Variants in LCOR observed in about 807,000 individuals in gnomAD.
The protein encoded by LCOR is ligand dependent nuclear receptor corepressor, also known as ligand-dependent corepressor.
Under a neutral mutation model 64.4 loss-of-function variants are expected in LCOR, and 14 were observed. The observed-to-expected ratio is 0.22, with a 90% CI of 0.14 to 0.34. LCOR has a LOEUF of 0.34. LCOR is among the 10% of genes least tolerant of loss of function. The pLI is 1.00. For missense variants in LCOR, 1,686 were observed against 1,765.3 expected, an observed-to-expected ratio of 0.96 and a Z score of 0.80; for synonymous variants, 643 against 642.5, an observed-to-expected ratio of 1.00 and a Z score of -0.01.
rs531559064 is a variant in LCOR at position 96,992,183 on chromosome 10, T to C, written c.*7049T>C. ...GGTTATTGATTTCACTAGTGTGGTT[T>C]CTGCATTCTAAATAGTTCTCGGAGA... is the stretch of plus-strand genomic sequence containing the variant. On this transcript the variant is annotated 3_prime_UTR_variant, in exon 8 of 8. Transcript: ENST00000421806. 2 of 152,346 alleles carry C rather than the reference T, an allele frequency of 1.3e-5. No individual in the cohort carries two copies. Among genetic ancestry groups the C allele is most frequent in the East Asian group, 3.9e-4 (2 of 5,192 alleles). 9.4% of individuals were successfully genotyped at this position (152,346 alleles called of 1,614,324 possible).
At chr10:96,880,429 ACT>A (rs1846243809) in intron 2 of LCOR, among the ~76,000 whole-genome samples, 1 of 151,874 alleles carries the variant, frequency 6.6e-6, no homozygotes, top group Non-Finnish European at 1.5e-5. Flanking sequence ...GAAGAGTCTC[ACT>A]CTGTCATCCA....
chr10:96,860,407 C>A (rs1331727080), intron 2 of LCOR, among the ~76,000 whole-genome samples: 1 of 152,166 alleles, frequency 6.6e-6, no homozygotes, highest in Non-Finnish European at 1.5e-5. Context: ...CTGCCACAAG[C>A]CAAGGAATGC....
intron 2 of LCOR, among the ~76,000 whole-genome samples, chr10:96,901,851 C>G (rs570466319): frequency 6.4e-4 from 97 of 152,250 alleles, no homozygotes; most frequent in Non-Finnish European, 1.1e-3. Flanking sequence ...CTCACTGCAC[C>G]TTACACCTCC....
At chr10:96,879,688 C>G (rs1408223582) in intron 2 of LCOR, among the ~76,000 whole-genome samples, 3 of 152,058 alleles carry the variant, frequency 2.0e-5, no homozygotes, top group Non-Finnish European at 4.4e-5. Context: ...GACAGACTCT[C>G]ACCTCACTCT....
chr10:96,958,767 A>T lies in LCOR; in HGVS notation c.332+6571A>T, dbSNP rs1847824125. On this transcript the variant is annotated intron_variant, in intron 7 of 7. Transcript: ENST00000421806. The stretch of plus-strand genomic sequence containing the variant: ...CTCTCTCTTTCTCTCTCTTTTTTTG[A>T]GTGTAGATTATTTTAAAGCACTAAT... 4.2e-6 allele frequency: 1 copy of T among 240,732 alleles called. No homozygotes were observed. The highest frequency in any genetic ancestry group is 7.9e-5 in the East Asian group (1 of 12,672). The allele number at this position is 240,732 out of a possible 1,614,324, so 14.9% of individuals were successfully genotyped here. A position where few individuals can be genotyped will look rare whatever the true frequency, so the allele number is the denominator to read the frequency against.
At chr10:96,947,879 T>C (rs1258103927) in intron 5 of LCOR, among the ~76,000 whole-genome samples, 2 of 152,192 alleles carry the variant, frequency 1.3e-5, no homozygotes, top group Admixed American at 6.5e-5. Flanking sequence ...TTTATTTTTT[T>C]AAAAGGACTA....
chr10:96,977,058 A>AT (rs146053471), intron 7 of LCOR, among the ~76,000 whole-genome samples: 8,311 of 152,208 alleles, frequency 0.055, 759 homozygotes, highest in African/African-American at 0.19. Context: ...TTGAAAAGGC[A>AT]CCCACTTATT....
Position 96,984,058 on chromosome 10 carries a change from A to G in LCOR, c.3598A>G (p.Lys1200Glu). 6.2e-7 allele frequency: 1 copy of G among 1,613,968 alleles called. No individual in the cohort carries two copies. Among genetic ancestry groups the G allele is most frequent in the South Asian group, 1.1e-5 (1 of 91,024 alleles). ...TGAAACCCGGTCTCTAGTCATTGTG[A>G]AGAAGCTCAATACTCGCCTTCCAGG... ...TTETRSLVIV[K>E]KLNTRLPGDV... Residue 1200 changes from lysine (K) to glutamate (E), a missense_variant, in exon 8 of 8, where the codon AAG becomes GAG. Transcript: ENST00000421806.
intron 2 of LCOR, among the ~76,000 whole-genome samples, chr10:96,906,673 CA>C (rs1182828363): frequency 7.2e-5 from 11 of 151,958 alleles, no homozygotes; most frequent in African/African-American, 2.2e-4. Flanking sequence ...TTTGTATGTA[CA>C]ATCAGTGGGG....
intron 2 of LCOR, among the ~76,000 whole-genome samples, chr10:96,836,258 G>A (rs1441195119): frequency 6.6e-6 from 1 of 152,178 alleles, no homozygotes; most frequent in African/African-American, 2.4e-5. Flanking sequence ...TACATAGTGA[G>A]AATTGGTTAT....
rs137938303 is a variant in LCOR at position 96,928,473 on chromosome 10, C to T, written c.-183-15640C>T. ...CTCTTCACCCTTTCAAGTTTTGTCA[C>T]GAGATTGCAGCAATTAAGTTACATC... On this transcript the variant is annotated intron_variant, in intron 4 of 7. Coordinates refer to ENST00000421806, the MANE Select transcript of LCOR (RefSeq NM_001346516.2). 2.8e-3 allele frequency among the ~76,000 whole-genome samples: 420 copies of T among 152,262 alleles called. 4 individuals are homozygous for T. The East Asian group carries it at 0.055, about 20-fold the overall frequency.
intron 7 of LCOR, among the ~76,000 whole-genome samples, chr10:96,979,438 C>T (rs1239404051): frequency 6.6e-6 from 1 of 152,234 alleles, no homozygotes; most frequent in South Asian, 2.1e-4. Context: ...CAGGTATTGC[C>T]TGTGGCATGT....
chr10:96,938,667 TAAC>T lies in LCOR; in HGVS notation c.-183-5443_-183-5441del, dbSNP rs1402382445. Reference sequence around the variant, plus strand: ...AAATTTACAAAACACTATTAGAGTTTAACAAGTTCAGCAAGGTTCAGAATACCC... The same window carrying T: ...AAATTTACAAAACACTATTAGAGTTTAAGTTCAGCAAGGTTCAGAATACCC... On this transcript the variant is annotated intron_variant, in intron 4 of 7. Coordinates refer to ENST00000421806, the MANE Select transcript of LCOR (RefSeq NM_001346516.2). Among the ~76,000 whole-genome samples, 3 of 152,168 alleles carry T rather than the reference TAAC, an allele frequency of 2.0e-5. No individual in the cohort carries two copies. The East Asian group carries it at 5.8e-4, about 29-fold the overall frequency.
At chr10:96,870,876 C>T (rs1249248175) in intron 2 of LCOR, among the ~76,000 whole-genome samples, 1 of 152,178 alleles carries the variant, frequency 6.6e-6, no homozygotes, top group African/African-American at 2.4e-5. Flanking sequence ...TTTTGCTTGT[C>T]CTCATTCTTA....
In LCOR at chr10:96,981,988, T is replaced by G. The variant is rs1484900149; in HGVS notation, c.1528T>G (p.Cys510Gly). Residue 510 changes from cysteine (C) to glycine (G), a missense_variant, in exon 8 of 8, where the codon TGT becomes GGT. Physicochemically the swap from Cys to Gly is radical, Grantham distance 159. This residue lies in a region of LCOR where 1,293 missense variants were observed against 1,410.4 expected (regional missense o/e 0.92). Transcript: ENST00000421806. Reference protein sequence around the residue: ...STRGYFFNGDCCELPTVRTLA... With the variant: ...STRGYFFNGDGCELPTVRTLA... ...TCGAGGATACTTTTTCAATGGTGACTGTTGTGAGCTGCCAACTGTTCGTAC... is the reference window on the plus strand; with the variant it reads ...TCGAGGATACTTTTTCAATGGTGACGGTTGTGAGCTGCCAACTGTTCGTAC... The G allele has an allele frequency of 5.0e-6, 8 of 1,613,922 alleles. No homozygotes were observed. Among genetic ancestry groups the G allele is most frequent in the Non-Finnish European group, 6.8e-6 (8 of 1,180,042 alleles).
chr10:96,833,571 A>G (rs1363421958), intron 2 of LCOR, 92 bp downstream of exon 2: 25 of 474,126 alleles, frequency 5.3e-5, no homozygotes, highest in Middle Eastern at 1.0e-3. Flanking sequence ...CAGCATTGTT[A>G]CTTCCCCGTC....
At chr10:96,956,223 G>C in intron 7 of LCOR, 2 of 1,065,168 alleles carry the variant, frequency 1.9e-6, no homozygotes, top group Non-Finnish European at 1.1e-6. Flanking sequence ...GAGCCTGCAT[G>C]CTTTTTTGTT....
At chr10:96,957,231 A>T (rs1325705436) in intron 7 of LCOR, 1 of 985,006 alleles carries the variant, frequency 1.0e-6, no homozygotes, top group Non-Finnish European at 1.2e-6. Context: ...GGCATCCTAC[A>T]TAATACCCCC....
chr10:96,911,264 A>T (rs905609688), intron 4 of LCOR, among the ~76,000 whole-genome samples: 4 of 151,814 alleles, frequency 2.6e-5, no homozygotes, highest in African/African-American at 7.3e-5. Flanking sequence ...CGCCCAGCTA[A>T]GTTTTGTATT....
Sources: gnomAD v4.1 joint callset for allele counts (sites outside exome capture counted in the v4.1 genomes callset) on GRCh38, gnomAD v4.1.1 for gene constraint, gnomAD v4.1.1 regional missense constraint, MANE v1.5 for transcripts, NCBI Gene and HGNC (gene_info 2026-07-23, HGNC 2026-07-21) for gene names.